Variants in FREM3 observed in about 807,000 individuals in gnomAD.
FREM3 encodes the protein FRAS1 related extracellular matrix 3.
A neutral mutation model predicts 129.1 loss-of-function variants in FREM3; 105 were observed. The ratio of observed to expected loss-of-function variants is 0.81; its 90% CI spans 0.69 to 0.96. The LOEUF (loss-of-function observed/expected upper bound fraction) is 0.96. Ranked by LOEUF, FREM3 falls within the 40% of genes least tolerant of loss-of-function variation. FREM3 has a pLI of 0.00. For missense variants in FREM3, 2,593 were observed against 2,666.3 expected, an observed-to-expected ratio of 0.97 and a Z score of 0.61; for synonymous variants, 1,014 against 1,044.9, an observed-to-expected ratio of 0.97 and a Z score of 0.57.
intron 2 of FREM3, among the ~76,000 whole-genome samples, chr4:143,663,365 A>T (rs1168989212): frequency 6.6e-6 from 1 of 152,104 alleles, no homozygotes; most frequent in Non-Finnish European, 1.5e-5. Context: ...CTGGATATGA[A>T]ATTCTGGATT....
At chr4:143,595,670 G>C (rs1358534901) in intron 6 of FREM3, among the ~76,000 whole-genome samples, 2 of 152,024 alleles carry the variant, frequency 1.3e-5, no homozygotes, top group African/African-American at 2.4e-5. Context: ...GGCGGATCAC[G>C]AGGTCTGCAG....
chr4:143,646,539 A>T (rs568578512), intron 2 of FREM3, among the ~76,000 whole-genome samples: 1 of 152,256 alleles, frequency 6.6e-6, no homozygotes, highest in African/African-American at 2.4e-5. Context: ...ATGAGTTCTC[A>T]CAAGATCTGA....
Position 143,696,972 on chromosome 4 carries a change from A to G in FREM3, c.3704T>C (p.Leu1235Pro). The change falls in exon 1 of 8, where the codon CTC becomes CCC. Residue 1235 changes from leucine to proline, a missense_variant. This residue lies in a region of FREM3 where 2,276 missense variants were observed against 2,267.2 expected (regional missense o/e 1.00). Transcript: ENST00000329798. The stretch of plus-strand genomic sequence containing the variant: ...CTGTATGATTCGTCCATGCCGAGGG[A>G]GGGCTGTGAGTTGAAAGTGGAGCTC... ...PNELHFQLTA[L>P]PRHGRIIQQL... is the part of the protein sequence containing the mutation. 2 of 1,537,616 alleles carry G rather than the reference A, an allele frequency of 1.3e-6. No individual in the cohort carries two copies. Among genetic ancestry groups the G allele is most frequent in the Non-Finnish European group, 1.7e-6 (2 of 1,147,018 alleles).
chr4:143,666,218 T>C (rs903734367), intron 2 of FREM3, among the ~76,000 whole-genome samples: 1 of 152,146 alleles, frequency 6.6e-6, no homozygotes, highest in African/African-American at 2.4e-5. Flanking sequence ...ACAATGTTTC[T>C]ACATGCATAA....
intron 2 of FREM3, among the ~76,000 whole-genome samples, chr4:143,681,893 A>C (rs1210152131): frequency 6.6e-6 from 1 of 152,234 alleles, no homozygotes; most frequent in Non-Finnish European, 1.5e-5. Flanking sequence ...TTCACTGTGC[A>C]TCAGCTCAGT....
chr4:143,700,429 G>C lies in FREM3; in HGVS notation c.247C>G (p.Arg83Gly). ...LGRSLWLDPL[R>G]DLVIGVQPGD... ...GGCTGCACTCCAATCACCAGATCCCGGAGCGGGTCGAGCCAAAGGGAACGA... is the reference window on the plus strand; with the variant it reads ...GGCTGCACTCCAATCACCAGATCCCCGAGCGGGTCGAGCCAAAGGGAACGA... The change falls in exon 1 of 8, where the codon CGG becomes GGG. Residue 83 changes from arginine to glycine, a missense_variant. By Grantham distance (125) the Arg-to-Gly change is moderately radical. Around this residue, in one of 2 missense-constraint regions of FREM3, gnomAD observed 2,276 missense variants for 2,267.2 expected, o/e 1.00. Coordinates refer to ENST00000329798, the MANE Select transcript of FREM3 (RefSeq NM_001168235.2). 2 of 1,530,258 alleles carry C rather than the reference G, an allele frequency of 1.3e-6. No individual in the cohort carries two copies. The highest frequency in any genetic ancestry group is 1.7e-6 in the Non-Finnish European group (2 of 1,143,218). The allele number at this position is 1,530,258 out of a possible 1,614,324, so 94.8% of individuals were successfully genotyped here.
chr4:143,699,975 A>C lies in FREM3; in HGVS notation c.701T>G (p.Leu234Arg). ...ACAGTCTACGCCCTTGCCCCTGGGGAGAGGGGCCCCCACCGCGTCCACCAA... is the reference window on the plus strand; with the variant it reads ...ACAGTCTACGCCCTTGCCCCTGGGGCGAGGGGCCCCCACCGCGTCCACCAA... Reference protein sequence around the residue: ...GRLVDAVGAPLPRGKGVDCEA... With the variant: ...GRLVDAVGAPRPRGKGVDCEA... Residue 234 changes from leucine (L) to arginine (R), a missense_variant, in exon 1 of 8, where the codon CTC (leucine) becomes CGC (arginine). Coordinates refer to ENST00000329798, the MANE Select transcript of FREM3 (RefSeq NM_001168235.2). This position sits in a 1 kb window ranked among gnomAD's most constrained non-coding sequence, Gnocchi z 4.2. The C allele has an allele frequency of 2.0e-6, 3 of 1,506,556 alleles. No homozygotes were observed. In the South Asian group the frequency reaches 3.8e-5, roughly 19 times the overall value. The allele number at this position is 1,506,556 out of a possible 1,614,324, so 93.3% of individuals were successfully genotyped here.
intron 6 of FREM3, among the ~76,000 whole-genome samples, chr4:143,609,604 T>G (rs1169254575): frequency 6.6e-6 from 1 of 152,148 alleles, no homozygotes; most frequent in African/African-American, 2.4e-5. Context: ...TAAGAGATAG[T>G]TGCTTCAATA....
chr4:143,643,191 G>A (rs915517860), intron 2 of FREM3, among the ~76,000 whole-genome samples: 1 of 151,958 alleles, frequency 6.6e-6, no homozygotes, highest in African/African-American at 2.4e-5. Context: ...CAGCAATGAT[G>A]GGAAACAGTA....
intron 2 of FREM3, among the ~76,000 whole-genome samples, chr4:143,638,815 T>C (rs1739275469): frequency 6.6e-6 from 1 of 152,136 alleles, no homozygotes; most frequent in Non-Finnish European, 1.5e-5. Context: ...CGTAGTAGAC[T>C]AAACAGGGCT....
chr4:143,577,588 G>T lies in FREM3; in HGVS notation c.*23C>A, dbSNP rs1435725406. 7 of 1,528,280 alleles carry T rather than the reference G, an allele frequency of 4.6e-6. No homozygotes were observed. The highest frequency in any genetic ancestry group is 1.4e-5 in the African/African-American group (1 of 72,658). The allele number at this position is 1,528,280 out of a possible 1,614,324, so 94.7% of individuals were successfully genotyped here. The stretch of plus-strand genomic sequence containing the variant: ...TGTTGTTAGGAGACATATCTTGGCT[G>T]TTTTTTTCCCTCTTAAAGTCTTTCA... On this transcript the variant is annotated 3_prime_UTR_variant, in exon 8 of 8. Coordinates refer to ENST00000329798, the MANE Select transcript of FREM3 (RefSeq NM_001168235.2).
At chr4:143,682,126 G>C (rs1322524585) in intron 2 of FREM3, among the ~76,000 whole-genome samples, 1 of 152,176 alleles carries the variant, frequency 6.6e-6, no homozygotes, top group African/African-American at 2.4e-5. Context: ...TTTTCAGCTA[G>C]AAGAAGAAAA....
At chr4:143,632,357 T>C (rs566517699) in intron 2 of FREM3, among the ~76,000 whole-genome samples, 4 of 151,918 alleles carry the variant, frequency 2.6e-5, no homozygotes, top group Admixed American at 1.3e-4. Context: ...TTATATAGAG[T>C]GGTTAGAAAA....
intron 2 of FREM3, among the ~76,000 whole-genome samples, chr4:143,637,745 A>G (rs1002787280): frequency 2.0e-5 from 3 of 152,198 alleles, no homozygotes; most frequent in African/African-American, 7.2e-5. Context: ...GGAAAAAACC[A>G]AAAGAACAAC....
At chr4:143,674,479 T>C (rs1009092101) in intron 2 of FREM3, among the ~76,000 whole-genome samples, 2 of 151,964 alleles carry the variant, frequency 1.3e-5, no homozygotes, top group African/African-American at 4.8e-5. Flanking sequence ...AAAAACTGCA[T>C]CAACTGACAA....
In FREM3 at chr4:143,699,114, A is replaced by G; in HGVS notation, c.1562T>C (p.Met521Thr). Reference protein sequence around the residue: ...NTYSDNIIFRMEDGHHQVDFL... With the variant: ...NTYSDNIIFRTEDGHHQVDFL... ...GTCCACTTGGTGGTGCCCGTCCTCC[A>G]TCCGGAAGATGATATTGTCACTGTA... The change falls in exon 1 of 8, where the codon ATG (methionine) becomes ACG (threonine). Residue 521 changes from methionine (M) to threonine (T), a missense_variant. Met to Thr is a moderately conservative substitution (Grantham distance 81). Transcript: ENST00000329798. The surrounding 1 kb of genome is among the most constrained non-coding windows in gnomAD (Gnocchi z 4.2). The G allele has an allele frequency of 6.5e-7, 1 of 1,537,418 alleles. No homozygotes were observed. Among genetic ancestry groups the G allele is most frequent in the East Asian group, 2.4e-5 (1 of 40,906 alleles).
At chr4:143,594,196 C>T (rs546276884) in intron 6 of FREM3, among the ~76,000 whole-genome samples, 2 of 152,334 alleles carry the variant, frequency 1.3e-5, no homozygotes, top group African/African-American at 2.4e-5. Flanking sequence ...GATGCCTGGT[C>T]CTGCTCCATC....
At chr4:143,672,011 A>T (rs913324582) in intron 2 of FREM3, among the ~76,000 whole-genome samples, 1 of 152,194 alleles carries the variant, frequency 6.6e-6, no homozygotes, top group Non-Finnish European at 1.5e-5. Context: ...CATGTGACAT[A>T]GAGTTGTCAA....
At position 143,699,642 on chromosome 4, in the gene FREM3, T is replaced by C; in HGVS notation, c.1034A>G (p.Asn345Ser). The change falls in exon 1 of 8, where the codon AAC (asparagine) becomes AGC (serine). Residue 345 changes from asparagine (N) to serine (S), a missense_variant. By Grantham distance (46) the Asn-to-Ser change is conservative. Transcript: ENST00000329798. The surrounding 1 kb of genome is among the most constrained non-coding windows in gnomAD (Gnocchi z 4.2). ...VESDPGDLVF[N>S]ILNAPTHPPG... ...TGGGTGAGTGGGGGCGTTCAGAATG[T>C]TGAACACCAGGTCACCAGGGTCTGA... 4 of 1,530,872 alleles carry C rather than the reference T, an allele frequency of 2.6e-6. No individual in the cohort carries two copies. Among genetic ancestry groups the C allele is most frequent in the Non-Finnish European group, 3.5e-6 (4 of 1,142,978 alleles). The allele number at this position is 1,530,872 out of a possible 1,614,324, so 94.8% of individuals were successfully genotyped here. A position where few individuals can be genotyped will look rare whatever the true frequency, so the allele number is the denominator to read the frequency against.
Sources: allele counts gnomAD v4.1 joint callset (sites outside exome capture counted in the v4.1 genomes callset), GRCh38; gene constraint gnomAD v4.1.1; regional missense constraint gnomAD v4.1.1; non-coding constraint Gnocchi (gnomAD v3.1); transcripts MANE v1.5; gene names NCBI Gene and HGNC (gene_info 2026-07-23, HGNC 2026-07-21).